Variants in COL16A1 observed in about 807,000 individuals in gnomAD.
COL16A1 encodes the protein collagen type XVI alpha 1 chain.
A neutral mutation model predicts 266.3 loss-of-function variants in COL16A1; 189 were observed. The observed-to-expected ratio is 0.71, with a 90% CI of 0.63 to 0.80. The LOEUF (loss-of-function observed/expected upper bound fraction) is 0.80. COL16A1 is among the 30% of genes least tolerant of loss of function. The pLI is 0.00. For missense variants in COL16A1, 1,928 were observed against 2,122.4 expected (o/e 0.91, Z 1.80); for synonymous variants, 740 against 782.3 (o/e 0.95, Z 0.90).
intron 23 of COL16A1, chr1:31,689,406 A>G: frequency 1.8e-6 from 1 of 563,030 alleles, no homozygotes; most frequent in South Asian, 2.3e-5. Context: ...AGTCCTGCTC[A>G]CTCCTTTCCT....
rs756761665 is a variant in COL16A1, at chr1:31,665,648, G to C, written c.3457-30C>G. The C allele has an allele frequency of 8.1e-6, 13 of 1,610,646 alleles. No individual in the cohort carries two copies. In the South Asian group the frequency reaches 1.1e-4, roughly 14 times the overall value. ...GGTGAGAAGCAAGGGGCAGTGTGCT[G>C]TGCCACCCCCTCTCTCCTGCCTGGC... On this transcript the variant is annotated intron_variant, in intron 54 of 70. Coordinates refer to ENST00000373672, the MANE Select transcript of COL16A1 (RefSeq NM_001856.4).
At chr1:31,669,497 G>A (rs1024222125) in intron 49 of COL16A1, among the ~76,000 whole-genome samples, 1 of 151,964 alleles carries the variant, frequency 6.6e-6, no homozygotes, top group African/African-American at 2.4e-5. Flanking sequence ...GCCATTAAGG[G>A]CACCTTTCCT....
chr1:31,684,466 C>T, intron 31 of COL16A1, 57 bp downstream of exon 31: 1 of 1,583,822 alleles, frequency 6.3e-7, no homozygotes, highest in Non-Finnish European at 8.6e-7. Flanking sequence ...ACTGGTGCGA[C>T]ACCTGATTTT....
At chr1:31,691,155 T>TC (rs35139728) in intron 20 of COL16A1, 33 bp downstream of exon 20, 1 of 1,607,268 alleles carries the variant, frequency 6.2e-7, no homozygotes, top group Non-Finnish European at 8.5e-7. Flanking sequence ...AGCATGGAGC[T>TC]CCCCACGTGA....
chr1:31,685,569 G>T lies in COL16A1; in HGVS notation c.2016+70C>A. On this transcript the variant is annotated intron_variant, in intron 29 of 70. Coordinates refer to ENST00000373672, the MANE Select transcript of COL16A1 (RefSeq NM_001856.4). The surrounding 1 kb of genome is among the most constrained non-coding windows in gnomAD (Gnocchi z 4.0). ...CCCAGGGAGTCAAGAGACCCAGGCAGGACCCCTCCCCTCTCCTTAGCCCCG... is the reference window on the plus strand; with the variant it reads ...CCCAGGGAGTCAAGAGACCCAGGCATGACCCCTCCCCTCTCCTTAGCCCCG... 1 of 1,524,282 alleles carries T rather than the reference G, an allele frequency of 6.6e-7. No individual in the cohort carries two copies. Among genetic ancestry groups the T allele is most frequent in the Non-Finnish European group, 8.9e-7 (1 of 1,123,756 alleles). 94.4% of individuals were successfully genotyped at this position (1,524,282 alleles called of 1,614,324 possible). A position where few individuals can be genotyped will look rare whatever the true frequency, so the allele number is the denominator to read the frequency against.
chr1:31,698,558 T>G lies in COL16A1; in HGVS notation c.315A>C (p.Thr105=). 1 of 1,614,058 alleles carries G rather than the reference T, an allele frequency of 6.2e-7. No homozygotes were observed. The highest frequency in any genetic ancestry group is 8.5e-7 in the Non-Finnish European group (1 of 1,179,986). ...GLPEEFALVL[T]LLLKKHTHQK... ...GGTGGGTGTGTTTCTTCAGCAGTAG[T>G]GTCAGCACCAGGGCAAACTCCTCCG... The change falls in exon 5 of 71, where the codon ACA becomes ACC. Residue 105 remains threonine, a synonymous_variant. Coordinates refer to ENST00000373672, the MANE Select transcript of COL16A1 (RefSeq NM_001856.4). This position sits in a 1 kb window ranked among gnomAD's most constrained non-coding sequence, Gnocchi z 4.1.
In COL16A1 at chr1:31,698,434, G is replaced by C; in HGVS notation, c.390+49C>G. ...GCCGGGATGAAAGGTGGGCTGGACT[G>C]GTGCTACCCAATGCCCTAAGAGGCA... On this transcript the variant is annotated intron_variant, in intron 5 of 70. Coordinates refer to ENST00000373672, the MANE Select transcript of COL16A1 (RefSeq NM_001856.4). The surrounding 1 kb of genome is among the most constrained non-coding windows in gnomAD (Gnocchi z 4.1). 6.2e-7 allele frequency: 1 copy of C among 1,610,082 alleles called. No individual in the cohort carries two copies. The highest frequency in any genetic ancestry group is 8.5e-7 in the Non-Finnish European group (1 of 1,177,654).
At chr1:31,661,609 G>A (rs1199595517) in intron 59 of COL16A1, 51 bp downstream of exon 59, 1 of 1,612,356 alleles carries the variant, frequency 6.2e-7, no homozygotes, top group Non-Finnish European at 8.5e-7. Flanking sequence ...AGCCACCCAG[G>A]CAGAAGCTGC....
intron 54 of COL16A1, 103 bp downstream of exon 54, chr1:31,665,779 T>C: frequency 7.5e-6 from 12 of 1,604,032 alleles, no homozygotes; most frequent in Non-Finnish European, 8.5e-6. Context: ...ATGAGGTAGG[T>C]CACAACCCAA....
Position 31,662,674 on chromosome 1 carries a change from G to GCCCCCCCCC in COL16A1, c.3556-25_3556-17dup. 2.4e-6 allele frequency: 3 copies of GCCCCCCCCC among 1,263,610 alleles called. No homozygotes were observed. Among genetic ancestry groups the GCCCCCCCCC allele is most frequent in the South Asian group, 3.0e-5 (2 of 67,416 alleles). 78.3% of individuals were successfully genotyped at this position (1,263,610 alleles called of 1,614,324 possible). A position where few individuals can be genotyped will look rare whatever the true frequency, so the allele number is the denominator to read the frequency against. Reference sequence around the variant, plus strand: ...CTTCGCTGCCCTGGAAACCAGCGCCGCCCCCCCCCCCCGCCCCACAATAAA... The same window carrying GCCCCCCCCC: ...CTTCGCTGCCCTGGAAACCAGCGCCGCCCCCCCCCCCCCCCCCCCCCGCCCCACAATAAA... On this transcript the variant is annotated splice_polypyrimidine_tract_variant and intron_variant, in intron 56 of 70. Coordinates refer to ENST00000373672, the MANE Select transcript of COL16A1 (RefSeq NM_001856.4).
Position 31,688,167 on chromosome 1 carries a change from G to A in COL16A1, c.1803+300C>T, listed in dbSNP as rs1012165490. Among the ~76,000 whole-genome samples the A allele has an allele frequency of 3.3e-5, 5 of 152,100 alleles. No individual in the cohort carries two copies. Among genetic ancestry groups the A allele is most frequent in the Middle Eastern group, 3.2e-3 (1 of 316 alleles). ...ACTTACAAGATTTGGAATAGTGCCC[G>A]GCACATCATAAGCAATAAAGAAGTG... On this transcript the variant is annotated intron_variant, in intron 26 of 70. Coordinates refer to ENST00000373672, the MANE Select transcript of COL16A1 (RefSeq NM_001856.4). This position sits in a 1 kb window ranked among gnomAD's most constrained non-coding sequence, Gnocchi z 4.9.
chr1:31,675,364 G>T (rs183107117), intron 42 of COL16A1, 53 bp from the exon 43 acceptor site: 2 of 1,595,376 alleles, frequency 1.3e-6, no homozygotes, highest in African/African-American at 1.3e-5. Context: ...TAGCCTGCTG[G>T]TCAGCCTGTT....
chr1:31,655,467 T>G lies in COL16A1; in HGVS notation c.4137A>C (p.Ala1379=). 6.2e-7 allele frequency: 1 copy of G among 1,614,188 alleles called. No homozygotes were observed. The highest frequency in any genetic ancestry group is 1.1e-5 in the South Asian group (1 of 91,084). Residue 1379 remains alanine, a synonymous_variant, in exon 67 of 71, where the codon GCA becomes GCC. Coordinates refer to ENST00000373672, the MANE Select transcript of COL16A1 (RefSeq NM_001856.4). The stretch of plus-strand genomic sequence containing the variant: ...GCATGCCGGCTCTCCCCTTCTCTCC[T>G]GCCTGGCCCTTCTGTCCTGCAGCTC... ...DPGAAGQKGQ[A]GEKGRAGMPG... is the part of the protein sequence containing the mutation.
At chr1:31,679,303 T>C (rs995900646) in intron 42 of COL16A1, 1 of 1,094,778 alleles carries the variant, frequency 9.1e-7, no homozygotes, top group Admixed American at 2.9e-5. Flanking sequence ...CAAAAACACA[T>C]GTTGCATGAA....
At chr1:31,674,438 G>C (rs4949456) in intron 44 of COL16A1, among the ~76,000 whole-genome samples, 1 of 152,112 alleles carries the variant, frequency 6.6e-6, no homozygotes, top group South Asian at 2.1e-4. Flanking sequence ...TTGGGAAGCC[G>C]GCCCAGGCCA....
chr1:31,673,842 C>A (rs1642952597), intron 44 of COL16A1, among the ~76,000 whole-genome samples: 1 of 152,348 alleles, frequency 6.6e-6, no homozygotes, highest in Admixed American at 6.5e-5. Flanking sequence ...GGTCAGCATG[C>A]CCCGGGGTGC....
rs1643925423 is a variant in COL16A1 at position 31,685,543 on chromosome 1, G to T, written c.2016+96C>A. On this transcript the variant is annotated intron_variant, in intron 29 of 70. Transcript: ENST00000373672. This position sits in a 1 kb window ranked among gnomAD's most constrained non-coding sequence, Gnocchi z 4.0. ...CACACCCTCCCCACTACCCCCAACT[G>T]CCCAGGGAGTCAAGAGACCCAGGCA... 35 of 1,330,902 alleles carry T rather than the reference G, an allele frequency of 2.6e-5. No individual in the cohort carries two copies. Among genetic ancestry groups the T allele is most frequent in the Non-Finnish European group, 3.2e-5 (31 of 967,758 alleles). The allele number at this position is 1,330,902 out of a possible 1,614,324, so 82.4% of individuals were successfully genotyped here.
In COL16A1 at chr1:31,688,434, T is replaced by C. The variant is rs371295825; in HGVS notation, c.1803+33A>G. ...CTCCCCTGCCTGCCTGCCAAGAAAC[T>C]CCAGTGTCCCTGACATCTAACCCAG... On this transcript the variant is annotated intron_variant, in intron 26 of 70. Coordinates refer to ENST00000373672, the MANE Select transcript of COL16A1 (RefSeq NM_001856.4). The surrounding 1 kb of genome is among the most constrained non-coding windows in gnomAD (Gnocchi z 4.9). The C allele has an allele frequency of 2.5e-5, 41 of 1,613,670 alleles. No homozygotes were observed. The highest frequency in any genetic ancestry group is 2.9e-5 in the Non-Finnish European group (34 of 1,179,756).
At chr1:31,684,944 T>TAAAC (rs1025096992) in intron 29 of COL16A1, 88 bp from the exon 30 acceptor site, 24 of 1,600,728 alleles carry the variant, frequency 1.5e-5, no homozygotes, top group African/African-American at 8.0e-5. Context: ...CATACAACAG[T>TAAAC]AAACAAACAA....
Sources: allele counts gnomAD v4.1 joint callset (sites outside exome capture counted in the v4.1 genomes callset), GRCh38; gene constraint gnomAD v4.1.1; non-coding constraint Gnocchi (gnomAD v3.1); transcripts MANE v1.5; gene names NCBI Gene and HGNC (gene_info 2026-07-23, HGNC 2026-07-21).